The following GRIP1 variants were observed in gnomAD, a reference collection of about 807,000 sequenced individuals.
GRIP1 encodes the protein glutamate receptor-interacting protein 1.
A neutral mutation model predicts 129.9 loss-of-function variants in GRIP1; 45 were observed. The observed-to-expected ratio is 0.35, with a 90% CI of 0.27 to 0.44. The LOEUF (loss-of-function observed/expected upper bound fraction) is 0.44. Among genes scored for constraint, GRIP1 ranks in the 20% least tolerant of loss-of-function variants. The pLI is 1.00. For missense variants in GRIP1, 1,196 were observed against 1,396.8 expected (o/e 0.86, Z 2.29); for synonymous variants, 530 against 520.8 (o/e 1.02, Z -0.24).
At chr12:66,955,359 CCTTT>C (rs1275202197) in intron 1 of GRIP1, among the ~76,000 whole-genome samples, 4 of 152,062 alleles carry the variant, frequency 2.6e-5, no homozygotes, top group African/African-American at 4.8e-5. Flanking sequence ...CTCTGCAAGA[CCTTT>C]CTATCTCTAA....
At chr12:66,843,481 T>C (rs920813115) in intron 1 of GRIP1, among the ~76,000 whole-genome samples, 1 of 152,100 alleles carries the variant, frequency 6.6e-6, no homozygotes, top group Non-Finnish European at 1.5e-5. Flanking sequence ...GTTGATATTT[T>C]AATAGGGATT....
intron 1 of GRIP1, among the ~76,000 whole-genome samples, chr12:66,793,451 A>G (rs11611412): frequency 0.22 from 33,631 of 151,992 alleles, 4,437 homozygotes; most frequent in Non-Finnish European, 0.31. Context: ...ATTCAGTGGG[A>G]AAAAAAACAA....
intron 1 of GRIP1, among the ~76,000 whole-genome samples, chr12:66,980,482 A>T (rs998906366): frequency 6.6e-6 from 1 of 152,104 alleles, no homozygotes. Flanking sequence ...GTGGTGGCAC[A>T]CGTCTGTAGT....
intron 1 of GRIP1, among the ~76,000 whole-genome samples, chr12:66,935,501 A>T (rs2041468723): frequency 6.6e-6 from 1 of 152,110 alleles, no homozygotes; most frequent in African/African-American, 2.4e-5. Flanking sequence ...TATTAGCCCT[A>T]CTTGTGGGGA....
chr12:66,627,605 C>T (rs908913618), intron 1 of GRIP1, among the ~76,000 whole-genome samples: 6 of 152,142 alleles, frequency 3.9e-5, no homozygotes, highest in Non-Finnish European at 5.9e-5. Context: ...TCTGAGGATA[C>T]GTCTTTCCCC....
At chr12:66,436,231 A>C (rs7484781) in intron 13 of GRIP1, among the ~76,000 whole-genome samples, 139,797 of 152,190 alleles carry the variant, frequency 0.92, 65,059 homozygotes, top group Non-Finnish European at 1. Flanking sequence ...TTGTTAGCAC[A>C]GTAAGATAAC....
chr12:66,781,952 C>T (rs533334807), intron 1 of GRIP1, among the ~76,000 whole-genome samples: 5 of 152,116 alleles, frequency 3.3e-5, no homozygotes, highest in African/African-American at 9.7e-5. Flanking sequence ...GACTACTAAC[C>T]GTATGATGAT....
At position 66,506,877 on chromosome 12, in the gene GRIP1, CT is replaced by C. The variant is rs71069008; in HGVS notation, c.724+8741del. Among the ~76,000 whole-genome samples, 53 of 150,790 alleles carry C rather than the reference CT, an allele frequency of 3.5e-4. No individual in the cohort carries two copies. In the East Asian group the frequency reaches 6.0e-3, roughly 17 times the overall value. The stretch of plus-strand genomic sequence containing the variant: ...GCCAGAGTATTCTGCAAAAATAAAC[CT>C]TTTTTTTTCCTCTAAAAAACAGAGA... On this transcript the variant is annotated intron_variant, in intron 7 of 24. Coordinates refer to ENST00000359742, the MANE Select transcript of GRIP1 (RefSeq NM_001366722.1).
rs886049790 is a variant in GRIP1, at chr12:66,347,691, C to T, written c.*1328G>A. ...TTTCTTAACATGATCCTGCTTTATA[C>T]TTTCTTGCCCTGGCGGTTCTGAAAT... On this transcript the variant is annotated 3_prime_UTR_variant, in exon 25 of 25. Coordinates refer to ENST00000359742, the MANE Select transcript of GRIP1 (RefSeq NM_001366722.1). 3 of 152,060 alleles carry T rather than the reference C, an allele frequency of 2.0e-5. No individual in the cohort carries two copies. The highest frequency in any genetic ancestry group is 1.3e-4 in the Admixed American group (2 of 15,266). The allele number at this position is 152,060 out of a possible 1,614,324, so 9.4% of individuals were successfully genotyped here.
chr12:66,673,597 G>A (rs976881033), intron 1 of GRIP1, among the ~76,000 whole-genome samples: 3 of 152,244 alleles, frequency 2.0e-5, no homozygotes, highest in South Asian at 4.2e-4. Context: ...AAATAAATGC[G>A]CCATTATGAT....
At chr12:67,001,012 A>C (rs1427539207) in intron 1 of GRIP1, among the ~76,000 whole-genome samples, 1 of 152,204 alleles carries the variant, frequency 6.6e-6, no homozygotes, top group African/African-American at 2.4e-5. Context: ...TTATCTGGCA[A>C]CTTATCCTAG....
chr12:67,027,108 C>T (rs945877227), intron 1 of GRIP1, among the ~76,000 whole-genome samples: 31 of 152,268 alleles, frequency 2.0e-4, no homozygotes, highest in African/African-American at 6.3e-4. Context: ...CTTAAACAAA[C>T]ATTCTTGTCT....
rs75987142 is a variant in GRIP1, at chr12:66,568,156, A to T, written c.137-26206T>A. 9.8e-3 allele frequency: 2,741 copies of T among 279,564 alleles called. 29 individuals carry two copies. The highest frequency in any genetic ancestry group is 0.014 in the Non-Finnish European group (2,006 of 139,110). 17.3% of individuals were successfully genotyped at this position (279,564 alleles called of 1,614,324 possible). A position where few individuals can be genotyped will look rare whatever the true frequency, so the allele number is the denominator to read the frequency against. The stretch of plus-strand genomic sequence containing the variant: ...AAACCCAGGGAACTGGTCCTTCTAA[A>T]ACTAGCTCTGTGTTCTCTTTGGTAT... On this transcript the variant is annotated intron_variant, in intron 2 of 24. Transcript: ENST00000359742.
At chr12:66,913,692 G>C (rs1026789173) in intron 1 of GRIP1, among the ~76,000 whole-genome samples, 1 of 152,094 alleles carries the variant, frequency 6.6e-6, no homozygotes, top group Non-Finnish European at 1.5e-5. Flanking sequence ...CTGCTTCCTG[G>C]AGGTGGAAAT....
chr12:66,506,684 G>A (rs561399560), intron 7 of GRIP1, among the ~76,000 whole-genome samples: 2 of 152,216 alleles, frequency 1.3e-5, no homozygotes, highest in Admixed American at 1.3e-4. Flanking sequence ...TAATACAAAA[G>A]TAAATTTTAA....
chr12:66,919,783 G>A (rs915008195), intron 1 of GRIP1, among the ~76,000 whole-genome samples: 2 of 152,102 alleles, frequency 1.3e-5, no homozygotes, highest in Non-Finnish European at 2.9e-5. Flanking sequence ...ACTAAAGTAG[G>A]ATAAAGCAGA....
At chr12:66,964,804 A>G (rs2041972305) in intron 1 of GRIP1, among the ~76,000 whole-genome samples, 1 of 152,076 alleles carries the variant, frequency 6.6e-6, no homozygotes, top group Non-Finnish European at 1.5e-5. Context: ...TGGATGCTAT[A>G]AGCCTAAGAT....
chr12:66,821,029 T>TA (rs1324808183), intron 1 of GRIP1, among the ~76,000 whole-genome samples: 4 of 152,198 alleles, frequency 2.6e-5, no homozygotes, highest in East Asian at 3.8e-4. Flanking sequence ...TATGTCAGTA[T>TA]AGGTTCCTCA....
intron 19 of GRIP1, among the ~76,000 whole-genome samples, chr12:66,389,950 C>A (rs2056518185): frequency 6.6e-6 from 1 of 152,190 alleles, no homozygotes; most frequent in African/African-American, 2.4e-5. Flanking sequence ...AACAGAGACC[C>A]AATAGCTGTC....
Sources: gnomAD v4.1 joint callset for allele counts (sites outside exome capture counted in the v4.1 genomes callset) on GRCh38, gnomAD v4.1.1 for gene constraint, MANE v1.5 for transcripts, NCBI Gene and HGNC (gene_info 2026-07-23, HGNC 2026-07-21) for gene names.